LIMCH1: variants seen among roughly 807,000 people sequenced by gnomAD.
LIMCH1 encodes LIM and calponin homology domains-containing protein 1.
A neutral mutation model predicts 176.5 loss-of-function variants in LIMCH1; 113 were observed. That is an observed-to-expected ratio of 0.64 (90% confidence interval 0.55 to 0.75). The LOEUF (loss-of-function observed/expected upper bound fraction) is 0.75. Ranked by LOEUF, LIMCH1 falls within the 30% of genes least tolerant of loss-of-function variation. The probability of loss-of-function intolerance (pLI) is 0.00; values close to 1 mark genes in which losing one functional copy is unlikely to be tolerated. For missense variants in LIMCH1, 1,674 were observed against 1,814.9 expected (o/e 0.92, Z 1.41); for synonymous variants, 619 against 645.9 (o/e 0.96, Z 0.63).
chr4:41,589,946 T>G (rs28524795), intron 1 of LIMCH1, among the ~76,000 whole-genome samples: 13,071 of 152,060 alleles, frequency 0.086, 1,820 homozygotes, highest in African/African-American at 0.3. Context: ...ACAATCTCAA[T>G]GTCTAAAAAC....
Position 41,625,418 on chromosome 4 carries a change from A to T in LIMCH1, c.726-1290A>T, listed in dbSNP as rs568982455. Among the ~76,000 whole-genome samples, 9 of 152,272 alleles carry T rather than the reference A, an allele frequency of 5.9e-5. No homozygotes were observed. The East Asian group carries it at 1.7e-3, about 29-fold the overall frequency. On this transcript the variant is annotated intron_variant, in intron 7 of 31. Coordinates refer to ENST00000503057, the MANE Select transcript of LIMCH1 (RefSeq NM_001330672.2). ...CCTGTGAATACAATCCTACATATCTACCTTATACATATTATTTATTATTTC... is the reference window on the plus strand; with the variant it reads ...CCTGTGAATACAATCCTACATATCTTCCTTATACATATTATTTATTATTTC...
At chr4:41,540,455 C>T (rs113858686) in intron 1 of LIMCH1, among the ~76,000 whole-genome samples, 46 of 152,278 alleles carry the variant, frequency 3.0e-4, no homozygotes, top group Non-Finnish European at 5.6e-4. Flanking sequence ...AAGAATAAAA[C>T]GGGCCAGATG....
chr4:41,520,686 A>C (rs1224213527), intron 2 of LIMCH1, among the ~76,000 whole-genome samples: 1 of 151,436 alleles, frequency 6.6e-6, no homozygotes, highest in African/African-American at 2.4e-5. Context: ...ATCTGAAAAT[A>C]GTTCCTTCTC....
chr4:41,614,303 T>A (rs1473111909), intron 5 of LIMCH1, among the ~76,000 whole-genome samples: 1 of 152,222 alleles, frequency 6.6e-6, no homozygotes, highest in Non-Finnish European at 1.5e-5. Flanking sequence ...TGATCATTTT[T>A]CGTTACAAAA....
At chr4:41,611,665 A>G (rs980932566) in intron 4 of LIMCH1, among the ~76,000 whole-genome samples, 1 of 152,262 alleles carries the variant, frequency 6.6e-6, no homozygotes, top group Non-Finnish European at 1.5e-5. Context: ...AATAGGGATA[A>G]TGCTAACCAT....
At chr4:41,667,231 T>C (rs1263742951) in intron 21 of LIMCH1, among the ~76,000 whole-genome samples, 3 of 152,242 alleles carry the variant, frequency 2.0e-5, no homozygotes, top group Admixed American at 2.0e-4. Context: ...TAAATGTCCA[T>C]TTAATTTGAC....
chr4:41,389,424 C>G (rs906181355), intron 1 of LIMCH1: 1 of 198,854 alleles, frequency 5.0e-6, no homozygotes, highest in African/African-American at 2.3e-5. Context: ...ATGAGATTGT[C>G]AGCATTGCCT....
rs552263507 is a variant in LIMCH1, at chr4:41,525,055, T to A, written c.237+577T>A. 8.1e-4 allele frequency among the ~76,000 whole-genome samples: 124 copies of A among 152,332 alleles called. 4 individuals carry two copies. The South Asian group carries it at 0.023, about 29-fold the overall frequency. ...CCACATAAAATCTAAAACTTACATG[T>A]TCATATGTGGTTAGAAGCAGAATAT... On this transcript the variant is annotated intron_variant, in intron 3 of 26. Coordinates refer to the LIMCH1 transcript ENST00000313860.
chr4:41,621,611 C>T (rs1029167552), intron 7 of LIMCH1, among the ~76,000 whole-genome samples: 2 of 151,888 alleles, frequency 1.3e-5, no homozygotes, highest in African/African-American at 4.8e-5. Context: ...AAGCAATTCT[C>T]CTGCCTCAGC....
chr4:41,697,289 T>A lies in LIMCH1; in HGVS notation c.*104T>A. On this transcript the variant is annotated 3_prime_UTR_variant, in exon 32 of 32. Coordinates refer to ENST00000503057, the MANE Select transcript of LIMCH1 (RefSeq NM_001330672.2). ...GCTCAGGGGCTTCTCAGCATTTACC[T>A]AATTTCTGAAAGGCTCTTCTGAAAG... 9.8e-7 allele frequency: 1 copy of A among 1,020,076 alleles called. No homozygotes were observed. The highest frequency in any genetic ancestry group is 1.5e-6 in the Non-Finnish European group (1 of 654,136). 63.2% of individuals were successfully genotyped at this position (1,020,076 alleles called of 1,614,324 possible).
At chr4:41,633,365 A>G (rs557230122) in intron 12 of LIMCH1, among the ~76,000 whole-genome samples, 183 bp from the exon 13 acceptor site, 1 of 152,338 alleles carries the variant, frequency 6.6e-6, no homozygotes, top group Non-Finnish European at 1.5e-5. Context: ...CTGTGTGAGT[A>G]TCAGCTGCAT....
At chr4:41,687,308 T>C (rs915835764) in intron 28 of LIMCH1, among the ~76,000 whole-genome samples, 2 of 152,204 alleles carry the variant, frequency 1.3e-5, no homozygotes, top group Non-Finnish European at 2.9e-5. Context: ...AGTTGTTACA[T>C]GTTTTGAACA....
chr4:41,570,790 A>G (rs548822922), intron 1 of LIMCH1, among the ~76,000 whole-genome samples: 25 of 152,280 alleles, frequency 1.6e-4, no homozygotes, highest in African/African-American at 6.0e-4. Context: ...ATGGGGTGTG[A>G]CTTGGAGAAA....
chr4:41,571,440 G>A (rs1432439005), intron 1 of LIMCH1, among the ~76,000 whole-genome samples: 2 of 152,130 alleles, frequency 1.3e-5, no homozygotes, highest in Non-Finnish European at 2.9e-5. Context: ...GACTTTCTCA[G>A]GGCAGCAGCA....
upstream of LIMCH1, among the ~76,000 whole-genome samples, chr4:41,537,350 A>G (rs78719505): frequency 0.019 from 2,849 of 152,356 alleles, 88 homozygotes; most frequent in African/African-American, 0.061. Flanking sequence ...GCAGAAAGAA[A>G]TAGTTCATGT....
At chr4:41,676,603 G>T in intron 23 of LIMCH1, 141 bp downstream of exon 23, 1 of 668,394 alleles carries the variant, frequency 1.5e-6, no homozygotes, top group Non-Finnish European at 2.7e-6. Context: ...AGTTCATTTT[G>T]TGTCCTTGTA....
At chr4:41,551,070 C>T (rs1237827223) in intron 1 of LIMCH1, 2 of 152,140 alleles carry the variant, frequency 1.3e-5, no homozygotes, top group Non-Finnish European at 2.9e-5. Flanking sequence ...TGGAGACTAA[C>T]TCTTTGATTC....
intron 1 of LIMCH1, among the ~76,000 whole-genome samples, chr4:41,539,566 T>C (rs1281424912): frequency 6.6e-6 from 1 of 152,194 alleles, no homozygotes; most frequent in Non-Finnish European, 1.5e-5. Context: ...TCCTTACAGC[T>C]GCCAATACAT....
chr4:41,444,151 A>G lies in LIMCH1; in HGVS notation c.97-50385A>G, dbSNP rs534582941. On this transcript the variant is annotated intron_variant, in intron 1 of 26. Coordinates refer to the LIMCH1 transcript ENST00000313860. Reference sequence around the variant, plus strand: ...TCTGTGAGTCTGAATAGTTCTAAAGATGTAGAGACTCATTTGGTTTGAGTT... The same window carrying G: ...TCTGTGAGTCTGAATAGTTCTAAAGGTGTAGAGACTCATTTGGTTTGAGTT... Among the ~76,000 whole-genome samples the G allele has an allele frequency of 3.3e-5, 5 of 152,220 alleles. No individual in the cohort carries two copies. The South Asian group carries it at 1.0e-3, about 32-fold the overall frequency.
Sources: allele counts gnomAD v4.1 joint callset (sites outside exome capture counted in the v4.1 genomes callset), GRCh38; gene constraint gnomAD v4.1.1; transcripts MANE v1.5; gene names NCBI Gene and HGNC (gene_info 2026-07-23, HGNC 2026-07-21).